TPD52L1: variants seen among roughly 807,000 people sequenced by gnomAD.
TPD52L1 encodes the protein TPD52 like 1.
TPD52L1 carries 18 observed loss-of-function variants against 28.7 expected under a neutral mutation model. That is an observed-to-expected ratio of 0.63 (90% CI 0.43 to 0.93). TPD52L1 has a LOEUF of 0.93. Ranked by LOEUF, TPD52L1 falls within the 40% of genes least tolerant of loss-of-function variation. The probability of loss-of-function intolerance (pLI) is 0.00; values close to 1 mark genes in which losing one functional copy is unlikely to be tolerated. For missense variants in TPD52L1, 203 were observed against 254.8 expected (o/e 0.80, Z 1.39); for synonymous variants, 75 against 88.8 (o/e 0.84, Z 0.88).
At chr6:125,212,128 A>G (rs143318997) in intron 1 of TPD52L1, among the ~76,000 whole-genome samples, 1 of 152,286 alleles carries the variant, frequency 6.6e-6, no homozygotes, top group East Asian at 1.9e-4. Flanking sequence ...GGTTATTTTT[A>G]CCAAACATCA....
intron 1 of TPD52L1, among the ~76,000 whole-genome samples, chr6:125,186,275 C>T (rs79785298): frequency 1.3e-3 from 198 of 152,170 alleles, no homozygotes; most frequent in African/African-American, 4.3e-3. Flanking sequence ...TGGATCATAC[C>T]GCCTCTGTCA....
intron 1 of TPD52L1, among the ~76,000 whole-genome samples, chr6:125,204,005 C>T (rs535261162): frequency 1.3e-5 from 2 of 152,284 alleles, no homozygotes; most frequent in Non-Finnish European, 2.9e-5. Context: ...CACCTTTCTC[C>T]TGCAAATAGT....
chr6:125,172,487 T>G (rs1467480863), intron 1 of TPD52L1, among the ~76,000 whole-genome samples: 3 of 109,404 alleles, frequency 2.7e-5, no homozygotes, highest in Non-Finnish European at 5.3e-5. Flanking sequence ...TGTTTTTTTT[T>G]TAGCAGCTAT....
chr6:125,172,125 TTTC>T (rs1562210502), intron 1 of TPD52L1, among the ~76,000 whole-genome samples: 44 of 73,154 alleles, frequency 6.0e-4, no homozygotes, highest in African/African-American at 2.7e-3. Context: ...TCTTTCTTTC[TTTC>T]TTTCTTTCTT....
chr6:125,176,662 C>T (rs58735415), intron 1 of TPD52L1, among the ~76,000 whole-genome samples: 11,197 of 152,198 alleles, frequency 0.074, 431 homozygotes, highest in Middle Eastern at 0.099. Context: ...TCTGCAGAAT[C>T]TAATCTTAAT....
At chr6:125,247,047 A>G (rs944944065) in intron 3 of TPD52L1, among the ~76,000 whole-genome samples, 3 of 152,136 alleles carry the variant, frequency 2.0e-5, no homozygotes, top group African/African-American at 7.2e-5. Flanking sequence ...AGGGAAGACC[A>G]AGGCACATAT....
At chr6:125,190,935 G>C (rs1325561635) in intron 1 of TPD52L1, among the ~76,000 whole-genome samples, 1 of 152,134 alleles carries the variant, frequency 6.6e-6, no homozygotes, top group African/African-American at 2.4e-5. Flanking sequence ...CCAGGGGTTG[G>C]GGACCCCTGC....
intron 3 of TPD52L1, among the ~76,000 whole-genome samples, chr6:125,246,355 A>C (rs1173800770): frequency 6.6e-6 from 1 of 152,110 alleles, no homozygotes; most frequent in Non-Finnish European, 1.5e-5. Flanking sequence ...CACTCCTTTC[A>C]AAGGATCTGT....
intron 2 of TPD52L1, among the ~76,000 whole-genome samples, chr6:125,224,888 C>T (rs1562323056): frequency 6.6e-6 from 1 of 152,160 alleles, no homozygotes; most frequent in South Asian, 2.1e-4. Context: ...ATTTATATAA[C>T]ATAAACTTAT....
At chr6:125,241,584 C>T (rs1796614491) in intron 3 of TPD52L1, among the ~76,000 whole-genome samples, 2 of 152,002 alleles carry the variant, frequency 1.3e-5, no homozygotes, top group Non-Finnish European at 1.5e-5. Context: ...ACTTATCCAT[C>T]TCCTCTAGAT....
At chr6:125,204,917 T>C (rs1245530621) in intron 1 of TPD52L1, among the ~76,000 whole-genome samples, 1 of 152,188 alleles carries the variant, frequency 6.6e-6, no homozygotes, top group Non-Finnish European at 1.5e-5. Flanking sequence ...TCTAACAATC[T>C]AGAGGAAGAA....
At chr6:125,248,409 C>T (rs367950670) in intron 4 of TPD52L1, 26 bp downstream of exon 4, 32 of 1,576,318 alleles carry the variant, frequency 2.0e-5, no homozygotes, top group East Asian at 6.7e-5. Flanking sequence ...ACCATGGGAA[C>T]GGCGCTAAGC....
At chr6:125,241,142 A>G (rs980444043) in intron 3 of TPD52L1, among the ~76,000 whole-genome samples, 11 of 152,130 alleles carry the variant, frequency 7.2e-5, no homozygotes, top group African/African-American at 1.4e-4. Flanking sequence ...TGACTTGCAT[A>G]TGTTAAAGCA....
intron 3 of TPD52L1, among the ~76,000 whole-genome samples, chr6:125,243,123 T>C (rs1796713235): frequency 6.6e-6 from 1 of 152,180 alleles, no homozygotes; most frequent in East Asian, 1.9e-4. Context: ...AGGAGGCTAA[T>C]GATGGGACCC....
At chr6:125,196,204 A>G (rs966870579) in intron 1 of TPD52L1, among the ~76,000 whole-genome samples, 1 of 152,204 alleles carries the variant, frequency 6.6e-6, no homozygotes, top group Non-Finnish European at 1.5e-5. Flanking sequence ...AGGAAAGATA[A>G]GCTTTCTGTA....
chr6:125,240,628 G>C (rs1262265046), intron 3 of TPD52L1, among the ~76,000 whole-genome samples: 2 of 151,696 alleles, frequency 1.3e-5, no homozygotes, highest in Non-Finnish European at 2.9e-5. Flanking sequence ...TCTCAGTTTG[G>C]TCACTGTTGG....
intron 1 of TPD52L1, among the ~76,000 whole-genome samples, chr6:125,175,360 A>T (rs191034412): frequency 9.9e-5 from 15 of 152,226 alleles, no homozygotes; most frequent in Non-Finnish European, 1.9e-4. Flanking sequence ...TAGTTTAAAA[A>T]TTTTATAAAT....
chr6:125,242,019 G>T (rs1796642454), intron 3 of TPD52L1, among the ~76,000 whole-genome samples: 1 of 151,752 alleles, frequency 6.6e-6, no homozygotes, highest in African/African-American at 2.4e-5. Context: ...TTGATAAGTT[G>T]TCTCACTATT....
intron 1 of TPD52L1, 117 bp from the exon 2 acceptor site, chr6:125,219,961 T>C (rs1251064284): frequency 6.5e-6 from 5 of 765,370 alleles, no homozygotes; most frequent in South Asian, 1.4e-5. Context: ...CTGGAATTTT[T>C]AGTTGTTTTT....
Sources: gnomAD v4.1 joint callset for allele counts (sites outside exome capture counted in the v4.1 genomes callset) on GRCh38, gnomAD v4.1.1 for gene constraint, MANE v1.5 for transcripts, NCBI Gene and HGNC (gene_info 2026-07-23, HGNC 2026-07-21) for gene names.